SEMA6C: variants seen among roughly 807,000 people sequenced by gnomAD.
SEMA6C encodes the protein semaphorin-6C.
SEMA6C carries 37 observed loss-of-function variants against 72.9 expected under a neutral mutation model. The ratio of observed to expected loss-of-function variants is 0.51; its 90% confidence interval spans 0.39 to 0.67. The LOEUF (loss-of-function observed/expected upper bound fraction) is 0.67. Ranked by LOEUF, SEMA6C falls within the 30% of genes least tolerant of loss-of-function variation. The pLI is 0.00. For missense variants in SEMA6C, 1,189 were observed against 1,263.6 expected, an observed-to-expected ratio of 0.94 and a Z score of 0.89; for synonymous variants, 578 against 554.1, an observed-to-expected ratio of 1.04 and a Z score of -0.61.
Position 151,138,626 on chromosome 1 carries a change from G to A in SEMA6C, c.456+4C>T, listed in dbSNP as rs749107388. On this transcript the variant is annotated splice_donor_region_variant and intron_variant, in intron 7 of 18. Coordinates refer to ENST00000368914, the MANE Select transcript of SEMA6C (RefSeq NM_030913.6). ...CATCCTAACCCCCACCCTCTCTTTT[G>A]TACCCCATAGCTGCGGCACACAGGG... is the stretch of plus-strand genomic sequence containing the variant. 8 of 1,612,812 alleles carry A rather than the reference G, an allele frequency of 5.0e-6. No homozygotes were observed. The highest frequency in any genetic ancestry group is 6.8e-6 in the Non-Finnish European group (8 of 1,179,000).
chr1:151,140,821 C>T (rs769349352), intron 3 of SEMA6C, among the ~76,000 whole-genome samples: 4 of 152,150 alleles, frequency 2.6e-5, no homozygotes, highest in African/African-American at 7.2e-5. Flanking sequence ...GGTGAAACCC[C>T]ATCTCTACTA....
chr1:151,136,850 T>G lies in SEMA6C; in HGVS notation c.974+7A>C, dbSNP rs74127530. ...GATTGGGTCACACTAGTCAGCCTAG[T>G]ACCAACCTATTGGTCTGGGTGGTGA... On this transcript the variant is annotated splice_region_variant and intron_variant, in intron 11 of 18. Coordinates refer to ENST00000368914, the MANE Select transcript of SEMA6C (RefSeq NM_030913.6). 3.9e-3 allele frequency: 6,288 copies of G among 1,611,638 alleles called. 207 individuals are homozygous for G. In the African/African-American group the frequency reaches 0.073, roughly 19 times the overall value.
chr1:151,144,305 G>A (rs1682782950), intron 2 of SEMA6C, 80 bp downstream of exon 2: 1 of 152,670 alleles, frequency 6.6e-6, no homozygotes, highest in Non-Finnish European at 1.5e-5. Flanking sequence ...CAAGTGAGGA[G>A]AAGAGCCAGC....
rs1323263701 is a variant in SEMA6C, at chr1:151,138,691, T to A, written c.395A>T (p.Asp132Val). 5 of 1,613,070 alleles carry A rather than the reference T, an allele frequency of 3.1e-6. No individual in the cohort carries two copies. Among genetic ancestry groups the A allele is most frequent in the Non-Finnish European group, 3.4e-6 (4 of 1,179,840 alleles). Residue 132 changes from aspartate to valine, a missense_variant, in exon 7 of 19, where the codon GAC (aspartate) becomes GTC (valine). Asp to Val is a radical substitution (Grantham distance 152). This residue lies in a region of SEMA6C where 468 missense variants were observed against 577.4 expected (regional missense o/e 0.81). Coordinates refer to ENST00000368914, the MANE Select transcript of SEMA6C (RefSeq NM_030913.6). Reference sequence around the variant, plus strand: ...TCCACAGGCAAGGAGCGTCTGGGAGTCCCAGGGAACAAGAACACGAATATA... The same window carrying A: ...TCCACAGGCAAGGAGCGTCTGGGAGACCCAGGGAACAAGAACACGAATATA... ...YNYIRVLVPW[D>V]SQTLLACGTN...
Position 151,139,377 on chromosome 1 carries a change from G to A in SEMA6C, c.354+48C>T, listed in dbSNP as rs587657630. 27 of 1,508,422 alleles carry A rather than the reference G, an allele frequency of 1.8e-5. No individual in the cohort carries two copies. In the South Asian group the frequency reaches 2.9e-4, roughly 16 times the overall value. 93.4% of individuals were successfully genotyped at this position (1,508,422 alleles called of 1,614,324 possible). A position where few individuals can be genotyped will look rare whatever the true frequency, so the allele number is the denominator to read the frequency against. On this transcript the variant is annotated intron_variant, in intron 6 of 18. Transcript: ENST00000368914. ...GAGGACCAGTTGGACAGAGACTGGG[G>A]GCAGAGTAATCCTCTCCTTCCCTCC...
At chr1:151,138,553 G>T in intron 7 of SEMA6C, 77 bp downstream of exon 7, 1 of 1,500,262 alleles carries the variant, frequency 6.7e-7, no homozygotes, top group Non-Finnish European at 9.3e-7. Context: ...GCAGTCCTTG[G>T]TCCTTTCCCA....
At chr1:151,138,767 G>C in intron 6 of SEMA6C, 36 bp from the exon 7 acceptor site, 1 of 1,505,636 alleles carries the variant, frequency 6.6e-7, no homozygotes, top group Non-Finnish European at 9.2e-7. Context: ...GTGACAGAGG[G>C]TCCTGGGACT....
At chr1:151,135,334 G>A in intron 14 of SEMA6C, 25 bp from the exon 15 acceptor site, 1 of 1,600,548 alleles carries the variant, frequency 6.2e-7, no homozygotes. Context: ...GAAGGAACCA[G>A]AGATGGACAG....
chr1:151,139,181 A>G (rs1682314795), intron 6 of SEMA6C, among the ~76,000 whole-genome samples: 1 of 152,186 alleles, frequency 6.6e-6, no homozygotes, highest in Non-Finnish European at 1.5e-5. Flanking sequence ...AAAGTCCCAA[A>G]TAAGCTGTTT....
Position 151,133,483 on chromosome 1 carries a change from G to A in SEMA6C, c.1794C>T (p.Ser598=). 1 of 1,538,488 alleles carries A rather than the reference G, an allele frequency of 6.5e-7. No individual in the cohort carries two copies. The highest frequency in any genetic ancestry group is 8.7e-7 in the Non-Finnish European group (1 of 1,147,294). The part of the protein sequence containing the change: ...VRRDLPPASA[S]RSVPIPLLLA... ...GGAGGAGTGGGATGGGGACGGAGCG[G>A]GAGGCCGAGGCTGGGGGCAGGTCCC... Residue 598 remains serine (S), a synonymous_variant, in exon 19 of 19, where the codon TCC becomes TCT. Transcript: ENST00000368914. The surrounding 1 kb of genome is among the most constrained non-coding windows in gnomAD (Gnocchi z 5.9).
intron 14 of SEMA6C, 83 bp from the exon 15 acceptor site, chr1:151,135,392 G>A (rs930415282): frequency 4.5e-6 from 7 of 1,543,310 alleles, no homozygotes; most frequent in African/African-American, 2.7e-5. Flanking sequence ...AAAGCGGGGA[G>A]GCACACAAGC....
chr1:151,135,617 T>A lies in SEMA6C; in HGVS notation c.1407A>T (p.Glu469Asp). Reference sequence around the variant, plus strand: ...GGGCAGGGCTGTAGGCATCAATCTCTTCCAGGAGGATGGGCTCAGGTCCCC... The same window carrying A: ...GGGCAGGGCTGTAGGCATCAATCTCATCCAGGAGGATGGGCTCAGGTCCCC... ...RSGGPEPILLEEIDAYSPARC... is the reference protein window; with the variant it reads ...RSGGPEPILLDEIDAYSPARC... Residue 469 changes from glutamate (E) to aspartate (D), a missense_variant, in exon 14 of 19, where the codon GAA becomes GAT. Transcript: ENST00000368914. The A allele has an allele frequency of 6.2e-7, 1 of 1,614,102 alleles. No individual in the cohort carries two copies. The highest frequency in any genetic ancestry group is 8.5e-7 in the Non-Finnish European group (1 of 1,179,958).
intron 4 of SEMA6C, 25 bp from the exon 5 acceptor site, chr1:151,139,726 C>A: frequency 1.3e-6 from 2 of 1,576,696 alleles, no homozygotes; most frequent in South Asian, 1.2e-5. Flanking sequence ...AAGGAGGGGT[C>A]AGAGCCTAGT....
chr1:151,142,408 G>C, intron 3 of SEMA6C, 96 bp downstream of exon 3: 4 of 1,294,138 alleles, frequency 3.1e-6, no homozygotes, highest in South Asian at 2.5e-5. Flanking sequence ...TTAGCTTCCT[G>C]AGGCTGGGAG....
chr1:151,134,295 C>T, intron 18 of SEMA6C, 106 bp downstream of exon 18: 6 of 1,156,728 alleles, frequency 5.2e-6, no homozygotes, highest in Non-Finnish European at 6.3e-6. Flanking sequence ...GACCCTTTTC[C>T]GATACTCCCA....
Position 151,132,750 on chromosome 1 carries a change from G to A in SEMA6C, c.2527C>T (p.Arg843Trp), listed in dbSNP as rs764842109. The part of the protein sequence containing the change: ...ARPALSAPAP[R>W]LGVGGGRRLP... ...CTCCGGCCTCCGCCGACGCCCAGCC[G>A]GGGAGCGGGGGCGGAGAGCGCGGGC... The change falls in exon 19 of 19, where the codon CGG (arginine) becomes TGG (tryptophan). Residue 843 changes from arginine to tryptophan, a missense_variant. By Grantham distance (101) the Arg-to-Trp change is moderately radical. This residue lies in a region of SEMA6C where 721 missense variants were observed against 686.2 expected (regional missense o/e 1.05). Coordinates refer to ENST00000368914, the MANE Select transcript of SEMA6C (RefSeq NM_030913.6). 180 of 1,444,334 alleles carry A rather than the reference G, an allele frequency of 1.2e-4. No homozygotes were observed. The highest frequency in any genetic ancestry group is 1.6e-4 in the Non-Finnish European group (171 of 1,098,750). The allele number at this position is 1,444,334 out of a possible 1,614,324, so 89.5% of individuals were successfully genotyped here.
At position 151,133,257 on chromosome 1, in the gene SEMA6C, C is replaced by T. The variant is rs1302728564; in HGVS notation, c.2020G>A (p.Val674Met). The change falls in exon 19 of 19, where the codon GTG becomes ATG. Residue 674 changes from valine (V) to methionine (M), a missense_variant. Physicochemically the swap from Val to Met is conservative, Grantham distance 21. Around this residue, in one of 2 missense-constraint regions of SEMA6C, gnomAD observed 721 missense variants for 686.2 expected, o/e 1.05. Transcript: ENST00000368914. The surrounding 1 kb of genome is among the most constrained non-coding windows in gnomAD (Gnocchi z 5.9). ...GTGGTGTAGAGCTGCGGCGTCTGCA[C>T]CGCGTCCCCGTCCTTGGAGGGCGGC... is the stretch of plus-strand genomic sequence containing the variant. Reference protein sequence around the residue: ...PPPPSKDGDAVQTPQLYTTFL... With the variant: ...PPPPSKDGDAMQTPQLYTTFL... 5.1e-6 allele frequency: 8 copies of T among 1,579,026 alleles called. No individual in the cohort carries two copies. Among genetic ancestry groups the T allele is most frequent in the African/African-American group, 2.7e-5 (2 of 73,594 alleles).
At chr1:151,138,875 C>T (rs1682280890) in intron 6 of SEMA6C, 144 bp from the exon 7 acceptor site, 7 of 664,080 alleles carry the variant, frequency 1.1e-5, no homozygotes, top group Non-Finnish European at 1.9e-5. Flanking sequence ...GGCAGGTTGC[C>T]TGAGTTCAGG....
rs150759028 is a variant in SEMA6C, at chr1:151,142,437, C to G, written c.118+67G>C. On this transcript the variant is annotated intron_variant, in intron 3 of 18. Transcript: ENST00000368914. ...CTGGGAGCCTTCCTGCACCTTGCCT[C>G]CCACACAGGGGGTCTCAGTCTCTAA... The G allele has an allele frequency of 3.5e-4, 561 of 1,596,914 alleles. 1 individual carries two copies. The highest frequency in any genetic ancestry group is 6.6e-4 in the Middle Eastern group (4 of 6,030).
Sources: allele counts gnomAD v4.1 joint callset (sites outside exome capture counted in the v4.1 genomes callset), GRCh38; gene constraint gnomAD v4.1.1; regional missense constraint gnomAD v4.1.1; non-coding constraint Gnocchi (gnomAD v3.1); transcripts MANE v1.5; gene names NCBI Gene and HGNC (gene_info 2026-07-23, HGNC 2026-07-21).